DUSP7: variants seen among roughly 807,000 people sequenced by gnomAD.
DUSP7 encodes dual specificity phosphatase 7, also known as dual specificity protein phosphatase 7.
DUSP7 carries 7 observed loss-of-function variants against 29.8 expected under a neutral mutation model. The ratio of observed to expected loss-of-function variants is 0.24; its 90% CI spans 0.13 to 0.44. The LOEUF is 0.44. DUSP7 is among the 20% of genes least tolerant of loss of function. The pLI is 1.00. For missense variants in DUSP7, 400 were observed against 583.7 expected (o/e 0.69, Z 3.24); for synonymous variants, 287 against 275.4 (o/e 1.04, Z -0.42).
At position 52,054,238 on chromosome 3, in the gene DUSP7, G is replaced by A. The variant is rs372090315; in HGVS notation, c.654C>T (p.Asp218=). 1.5e-5 allele frequency: 24 copies of A among 1,609,502 alleles called. No homozygotes were observed. The highest frequency in any genetic ancestry group is 1.8e-5 in the Non-Finnish European group (21 of 1,177,072). The change falls in exon 2 of 3, where the codon GAC becomes GAT. Residue 218 remains aspartate (D), a synonymous_variant. Transcript: ENST00000495880. This position sits in a 1 kb window ranked among gnomAD's most constrained non-coding sequence, Gnocchi z 4.1. ...GGLRISSDCS[D]GESDRELPSS... ...TGGGCAGCTCTCGGTCCGACTCGCC[G>A]TCGGAGCAGTCAGAGCTGATGCGCA...
Position 52,054,235 on chromosome 3 carries a change from G to A in DUSP7, c.657C>T (p.Gly219=), listed in dbSNP as rs758828197. The change falls in exon 2 of 3, where the codon GGC becomes GGT. Residue 219 remains glycine (G), a synonymous_variant. Transcript: ENST00000495880. This position sits in a 1 kb window ranked among gnomAD's most constrained non-coding sequence, Gnocchi z 4.1. The stretch of plus-strand genomic sequence containing the variant: ...TGCTGGGCAGCTCTCGGTCCGACTC[G>A]CCGTCGGAGCAGTCAGAGCTGATGC... ...GLRISSDCSD[G]ESDRELPSSA... is the part of the protein sequence containing the mutation. The A allele has an allele frequency of 1.2e-5, 19 of 1,609,632 alleles. 1 individual carries two copies. In the Admixed American group the frequency reaches 1.5e-4, roughly 13 times the overall value.
At chr3:52,052,360 G>A (rs575975954) in intron 2 of DUSP7, 2 of 152,422 alleles carry the variant, frequency 1.3e-5, no homozygotes, top group East Asian at 1.9e-4. Flanking sequence ...CAACCAAGGA[G>A]TAAAGCATAC....
chr3:52,054,608 A>C lies in DUSP7; in HGVS notation c.518-234T>G, dbSNP rs892150751. Among the ~76,000 whole-genome samples, 2 of 152,044 alleles carry C rather than the reference A, an allele frequency of 1.3e-5. No individual in the cohort carries two copies. Among genetic ancestry groups the C allele is most frequent in the African/African-American group, 4.8e-5 (2 of 41,382 alleles). Reference sequence around the variant, plus strand: ...CCAGAAGGTGAAGTGACGTGCCTGGACTCCAAACTGGTACCCATAACACTT... The same window carrying C: ...CCAGAAGGTGAAGTGACGTGCCTGGCCTCCAAACTGGTACCCATAACACTT... On this transcript the variant is annotated intron_variant, in intron 1 of 2. Coordinates refer to ENST00000495880, the MANE Select transcript of DUSP7 (RefSeq NM_001947.4). The surrounding 1 kb of genome is among the most constrained non-coding windows in gnomAD (Gnocchi z 4.1).
At position 52,056,500 on chromosome 3, in the gene DUSP7, GCCTCCCGGCCTCCGT is replaced by G; in HGVS notation, c.-149_-135del. The G allele has an allele frequency of 3.5e-6, 1 of 282,320 alleles. No homozygotes were observed. The highest frequency in any genetic ancestry group is 5.3e-6 in the Non-Finnish European group (1 of 189,980). 17.5% of individuals were successfully genotyped at this position (282,320 alleles called of 1,614,324 possible). On this transcript the variant is annotated 5_prime_UTR_variant, in exon 1 of 3. Coordinates refer to ENST00000495880, the MANE Select transcript of DUSP7 (RefSeq NM_001947.4). This position sits in a 1 kb window ranked among gnomAD's most constrained non-coding sequence, Gnocchi z 6.4. ...GCGCGCCCGCCGCCCCGGCCTCCCG[GCCTCCCGGCCTCCGT>G]CCCGCCCGCCCGCCCGGCCCTCCGC...
In DUSP7 at chr3:52,049,701, G is replaced by A. The variant is rs759443212; in HGVS notation, c.*1114C>T. The A allele has an allele frequency of 2.0e-5, 3 of 151,928 alleles. No individual in the cohort carries two copies. Among genetic ancestry groups the A allele is most frequent in the Non-Finnish European group, 4.4e-5 (3 of 67,952 alleles). 9.4% of individuals were successfully genotyped at this position (151,928 alleles called of 1,614,324 possible). ...CTCCACTCCCAGTTACAACAAGAGA[G>A]AGGAAAGGAAGAGAGAGGGAGGGGG... On this transcript the variant is annotated 3_prime_UTR_variant, in exon 3 of 3. Coordinates refer to ENST00000495880, the MANE Select transcript of DUSP7 (RefSeq NM_001947.4).
At position 52,054,253 on chromosome 3, in the gene DUSP7, G is replaced by A. The variant is rs917778148; in HGVS notation, c.639C>T (p.Ser213=). 12 of 1,608,038 alleles carry A rather than the reference G, an allele frequency of 7.5e-6. No individual in the cohort carries two copies. Among genetic ancestry groups the A allele is most frequent in the South Asian group, 5.5e-5 (5 of 90,364 alleles). Residue 213 remains serine, a synonymous_variant, in exon 2 of 3, where the codon AGC becomes AGT. Coordinates refer to ENST00000495880, the MANE Select transcript of DUSP7 (RefSeq NM_001947.4). This position sits in a 1 kb window ranked among gnomAD's most constrained non-coding sequence, Gnocchi z 4.1. ...SVLGLGGLRI[S]SDCSDGESDR... is the part of the protein sequence containing the mutation. ...CCGACTCGCCGTCGGAGCAGTCAGA[G>A]CTGATGCGCAGGCCCCCCAGGCCCA...
At chr3:52,055,442 A>G (rs1701892294) in intron 1 of DUSP7, among the ~76,000 whole-genome samples, 1 of 152,152 alleles carries the variant, frequency 6.6e-6, no homozygotes. Flanking sequence ...GGTGCTATGA[A>G]AGGTGCCCTT....
rs1559798405 is a variant in DUSP7, at chr3:52,056,239, GC to G, written c.127del (p.Ala43ArgfsTer297). ...AGSGSGAGTG[A>X]GAATGAGAMP... ...GGCCCCTGCCCCCGTCGCCGCGCCCGCCCCGGTGCCTGCGCCGGACCCCGAC... is the reference window on the plus strand; with the variant it reads ...GGCCCCTGCCCCCGTCGCCGCGCCCGCCCGGTGCCTGCGCCGGACCCCGAC... On this transcript the variant is annotated frameshift_variant, in exon 1 of 3. Coordinates refer to ENST00000495880, the MANE Select transcript of DUSP7 (RefSeq NM_001947.4). LOFTEE classifies it high-confidence loss of function. This position sits in a 1 kb window ranked among gnomAD's most constrained non-coding sequence, Gnocchi z 6.4. 1 of 1,394,730 alleles carries G rather than the reference GC, an allele frequency of 7.2e-7. No individual in the cohort carries two copies. The highest frequency in any genetic ancestry group is 9.3e-7 in the Non-Finnish European group (1 of 1,080,320). The allele number at this position is 1,394,730 out of a possible 1,614,324, so 86.4% of individuals were successfully genotyped here. A position where few individuals can be genotyped will look rare whatever the true frequency, so the allele number is the denominator to read the frequency against.
In DUSP7 at chr3:52,054,274, G is replaced by A. The variant is rs557700246; in HGVS notation, c.618C>T (p.Gly206=). Residue 206 remains glycine (G), a synonymous_variant, in exon 2 of 3, where the codon GGC becomes GGT. Coordinates refer to ENST00000495880, the MANE Select transcript of DUSP7 (RefSeq NM_001947.4). The surrounding 1 kb of genome is among the most constrained non-coding windows in gnomAD (Gnocchi z 4.1). Reference sequence around the variant, plus strand: ...CAGAGCTGATGCGCAGGCCCCCCAGGCCCAGCACTGAGGTGGGTGGCGAGC... The same window carrying A: ...CAGAGCTGATGCGCAGGCCCCCCAGACCCAGCACTGAGGTGGGTGGCGAGC... The part of the protein sequence containing the change: ...PSSSPPTSVL[G]LGGLRISSDC... The A allele has an allele frequency of 3.1e-6, 5 of 1,604,724 alleles. No homozygotes were observed. Among genetic ancestry groups the A allele is most frequent in the Admixed American group, 1.7e-5 (1 of 59,530 alleles).
Position 52,049,457 on chromosome 3 carries a change from C to G in DUSP7, c.*1358G>C, listed in dbSNP as rs1262232864. The G allele has an allele frequency of 6.6e-6, 1 of 152,328 alleles. No homozygotes were observed. The highest frequency in any genetic ancestry group is 6.5e-5 in the Admixed American group (1 of 15,286). 9.4% of individuals were successfully genotyped at this position (152,328 alleles called of 1,614,324 possible). A position where few individuals can be genotyped will look rare whatever the true frequency, so the allele number is the denominator to read the frequency against. On this transcript the variant is annotated 3_prime_UTR_variant, in exon 3 of 3. Coordinates refer to ENST00000495880, the MANE Select transcript of DUSP7 (RefSeq NM_001947.4). ...GGGGAAGTGAACAGAGCCTTACCCC[C>G]CTTCTGCTGGTCCATCCTTGCCCCA...
Position 52,054,036 on chromosome 3 carries a change from C to T in DUSP7, c.856G>A (p.Glu286Lys). The part of the protein sequence containing the change: ...NVTPNLPNAF[E>K]HGGEFTYKQI... ...TTGTAGGTGAACTCGCCGCCGTGCT[C>T]GAAGGCGTTGGGTAGGTTGGGTGTG... Residue 286 changes from glutamate (E) to lysine (K), a missense_variant, in exon 2 of 3, where the codon GAG becomes AAG. Glu to Lys is a moderately conservative substitution (Grantham distance 56). Coordinates refer to ENST00000495880, the MANE Select transcript of DUSP7 (RefSeq NM_001947.4). This position sits in a 1 kb window ranked among gnomAD's most constrained non-coding sequence, Gnocchi z 4.1. The T allele has an allele frequency of 6.2e-7, 1 of 1,614,204 alleles. No individual in the cohort carries two copies. Among genetic ancestry groups the T allele is most frequent in the Non-Finnish European group, 8.5e-7 (1 of 1,180,042 alleles).
chr3:52,051,142 G>A lies in DUSP7; in HGVS notation c.953-20C>T, dbSNP rs758306781. ...CTTCGTCTGAAACACATTGGCATGGGTCAGGGAGGTGCCTCCTTCAAGGAG... is the reference window on the plus strand; with the variant it reads ...CTTCGTCTGAAACACATTGGCATGGATCAGGGAGGTGCCTCCTTCAAGGAG... On this transcript the variant is annotated intron_variant, in intron 2 of 2. Transcript: ENST00000495880. This position sits in a 1 kb window ranked among gnomAD's most constrained non-coding sequence, Gnocchi z 4.8. The A allele has an allele frequency of 6.3e-7, 1 of 1,586,780 alleles. No homozygotes were observed. The highest frequency in any genetic ancestry group is 8.6e-7 in the Non-Finnish European group (1 of 1,167,734).
In DUSP7 at chr3:52,054,490, G is replaced by T; in HGVS notation, c.518-116C>A. ...CCAAACACCACAGCACCCACGGTCAGCATGGGCCATGCCAAGCATGTTACA... is the reference window on the plus strand; with the variant it reads ...CCAAACACCACAGCACCCACGGTCATCATGGGCCATGCCAAGCATGTTACA... On this transcript the variant is annotated intron_variant, in intron 1 of 2. Coordinates refer to ENST00000495880, the MANE Select transcript of DUSP7 (RefSeq NM_001947.4). The surrounding 1 kb of genome is among the most constrained non-coding windows in gnomAD (Gnocchi z 4.1). 2 of 814,522 alleles carry T rather than the reference G, an allele frequency of 2.5e-6. No homozygotes were observed. The highest frequency in any genetic ancestry group is 3.8e-6 in the Non-Finnish European group (2 of 530,796). 50.5% of individuals were successfully genotyped at this position (814,522 alleles called of 1,614,324 possible). A position where few individuals can be genotyped will look rare whatever the true frequency, so the allele number is the denominator to read the frequency against.
At chr3:52,055,116 G>C (rs1701885199) in intron 1 of DUSP7, among the ~76,000 whole-genome samples, 1 of 152,208 alleles carries the variant, frequency 6.6e-6, no homozygotes, top group Non-Finnish European at 1.5e-5. Flanking sequence ...GCGAGGCATG[G>C]GCCCTGCGCC....
rs976824959 is a variant in DUSP7, at chr3:52,054,258, T to C, written c.634A>G (p.Ile212Val). ...TSVLGLGGLR[I>V]SSDCSDGESD... ...TCGCCGTCGGAGCAGTCAGAGCTGATGCGCAGGCCCCCCAGGCCCAGCACT... is the reference window on the plus strand; with the variant it reads ...TCGCCGTCGGAGCAGTCAGAGCTGACGCGCAGGCCCCCCAGGCCCAGCACT... The change falls in exon 2 of 3, where the codon ATC becomes GTC. Residue 212 changes from isoleucine to valine, a missense_variant. This residue lies in a region of DUSP7 where 223 missense variants were observed against 360.9 expected (regional missense o/e 0.62). Transcript: ENST00000495880. The surrounding 1 kb of genome is among the most constrained non-coding windows in gnomAD (Gnocchi z 4.1). The C allele has an allele frequency of 1.2e-6, 2 of 1,607,032 alleles. No homozygotes were observed. The highest frequency in any genetic ancestry group is 1.3e-5 in the African/African-American group (1 of 74,760).
At position 52,056,214 on chromosome 3, in the gene DUSP7, G is replaced by A. The variant is rs910384851; in HGVS notation, c.153C>T (p.Ala51=). The change falls in exon 1 of 3, where the codon GCC becomes GCT. Residue 51 remains alanine (A), a synonymous_variant. Transcript: ENST00000495880. The surrounding 1 kb of genome is among the most constrained non-coding windows in gnomAD (Gnocchi z 6.4). The part of the protein sequence containing the change: ...TGAGAATGAG[A]MPCKSAEWLQ... ...GCCACTCGGCGCTCTTGCAGGGCAT[G>A]GCCCCTGCCCCCGTCGCCGCGCCCG... is the stretch of plus-strand genomic sequence containing the variant. The A allele has an allele frequency of 4.0e-6, 6 of 1,506,562 alleles. No homozygotes were observed. The highest frequency in any genetic ancestry group is 2.2e-4 in the Middle Eastern group (1 of 4,458). 93.3% of individuals were successfully genotyped at this position (1,506,562 alleles called of 1,614,324 possible).
Position 52,053,847 on chromosome 3 carries a change from G to T in DUSP7, c.952+93C>A. 1.4e-6 allele frequency: 2 copies of T among 1,419,784 alleles called. No homozygotes were observed. The highest frequency in any genetic ancestry group is 2.0e-6 in the Non-Finnish European group (2 of 1,016,220). 87.9% of individuals were successfully genotyped at this position (1,419,784 alleles called of 1,614,324 possible). A position where few individuals can be genotyped will look rare whatever the true frequency, so the allele number is the denominator to read the frequency against. ...GTAGGGCACACACAGGTCTCAACAG[G>T]CCCAGAGGTACCCAGTCAGGCGGGG... On this transcript the variant is annotated intron_variant, in intron 2 of 2. Coordinates refer to ENST00000495880, the MANE Select transcript of DUSP7 (RefSeq NM_001947.4). This position sits in a 1 kb window ranked among gnomAD's most constrained non-coding sequence, Gnocchi z 4.6.
At position 52,054,769 on chromosome 3, in the gene DUSP7, C is replaced by A. The variant is rs1245303462; in HGVS notation, c.518-395G>T. 5.9e-5 allele frequency among the ~76,000 whole-genome samples: 9 copies of A among 152,216 alleles called. No individual in the cohort carries two copies. The highest frequency in any genetic ancestry group is 8.8e-5 in the Non-Finnish European group (6 of 68,034). On this transcript the variant is annotated intron_variant, in intron 1 of 2. Transcript: ENST00000495880. This position sits in a 1 kb window ranked among gnomAD's most constrained non-coding sequence, Gnocchi z 4.1. ...CTAAGTGGTAAAGAAAAGCAGACAA[C>A]CCCATCTTAGCCAGCACCTCTGGGT...
In DUSP7 at chr3:52,051,009, CGTT is replaced by C; in HGVS notation, c.1063_1065del (p.Asn355del). The stretch of plus-strand genomic sequence containing the variant: ...TTCCTCTTGACAAAGTCGTAGGCGT[CGTT>C]GAGTGACAGGTTCATCTTCTGCATC... On this transcript the variant is annotated inframe_deletion, in exon 3 of 3. Transcript: ENST00000495880. This position sits in a 1 kb window ranked among gnomAD's most constrained non-coding sequence, Gnocchi z 4.8. 6.2e-7 allele frequency: 1 copy of C among 1,614,254 alleles called. No homozygotes were observed. The highest frequency in any genetic ancestry group is 8.5e-7 in the Non-Finnish European group (1 of 1,180,046).
Sources: allele counts gnomAD v4.1 joint callset (sites outside exome capture counted in the v4.1 genomes callset), GRCh38; gene constraint gnomAD v4.1.1; regional missense constraint gnomAD v4.1.1; non-coding constraint Gnocchi (gnomAD v3.1); transcripts MANE v1.5; gene names NCBI Gene and HGNC (gene_info 2026-07-23, HGNC 2026-07-21).